Variants in ZNF860 observed in about 807,000 individuals in gnomAD.
ZNF860 encodes zinc finger protein 860.
For synonymous variants in ZNF860, 206 were observed against 248.9 expected (o/e 0.83, Z 1.62); for missense variants, 641 against 759.2 (o/e 0.84, Z 1.83).
intron 1 of ZNF860, among the ~76,000 whole-genome samples, chr3:31,982,623 T>G (rs1191389336): frequency 6.6e-6 from 1 of 150,850 alleles, no homozygotes; most frequent in Non-Finnish European, 1.5e-5. Flanking sequence ...CCTGAGTAAA[T>G]TACAATTCCA....
At chr3:31,995,970 G>C (rs1266588155), downstream of ZNF860, among the ~76,000 whole-genome samples, 1 of 152,124 alleles carries the variant, frequency 6.6e-6, no homozygotes, top group Non-Finnish European at 1.5e-5. Flanking sequence ...TGGAAATGGA[G>C]GATGAATCCA....
intron 1 of ZNF860, among the ~76,000 whole-genome samples, chr3:31,982,838 G>A (rs1310743636): frequency 4.6e-5 from 7 of 152,162 alleles, no homozygotes; most frequent in East Asian, 3.8e-4. Flanking sequence ...ATTTACTGCC[G>A]CTTCCTATGG....
In ZNF860 at chr3:31,989,091, G is replaced by C; in HGVS notation, c.12G>C (p.Glu4Asp). The C allele has an allele frequency of 6.2e-7, 1 of 1,614,052 alleles. No homozygotes were observed. Residue 4 changes from glutamate (E) to aspartate (D), a missense_variant, in exon 2 of 2, where the codon GAG (glutamate) becomes GAC (aspartate). Physicochemically the swap from Glu to Asp is conservative, Grantham distance 45 (BLOSUM62 2). Transcript: ENST00000360311. Reference sequence around the variant, plus strand: ...ATTTCTAAAGACTCATGTTACGTGAGGAAGCAGCTCAGAAGAGGAAAGAAA... The same window carrying C: ...ATTTCTAAAGACTCATGTTACGTGACGAAGCAGCTCAGAAGAGGAAAGAAA... MLREEAAQKRKEKE... is the reference protein window; with the variant it reads MLRDEAAQKRKEKE...
Position 31,988,797 on chromosome 3 carries a change from A to G in ZNF860, c.-283A>G. On this transcript the variant is annotated 5_prime_UTR_variant, in exon 2 of 2. The change abolishes an upstream ATG in the 5' untranslated region. Coordinates refer to ENST00000360311, the MANE Select transcript of ZNF860 (RefSeq NM_001137674.3). ...GATTTTCTGAGACCTGCTAACAGCC[A>G]TGTGAGTGACCTTGGAAGTAGGTTG... 2.1e-6 allele frequency: 1 copy of G among 481,474 alleles called. No homozygotes were observed. Among genetic ancestry groups the G allele is most frequent in the South Asian group, 2.7e-5 (1 of 37,250 alleles). The allele number at this position is 481,474 out of a possible 1,614,324, so 29.8% of individuals were successfully genotyped here.
chr3:31,997,899 CA>C, the ZNF860 span, among the ~76,000 whole-genome samples: 1 of 152,078 alleles, frequency 6.6e-6, no homozygotes, highest in Non-Finnish European at 1.5e-5. Context: ...GCAATCCTCC[CA>C]CCTTAGCCTC....
chr3:31,989,764 T>C lies in ZNF860; in HGVS notation c.685T>C (p.Ser229Pro), dbSNP rs1197889561. ...LKQEVHIREK[S>P]FQCNESGKAF... ...ACAGGAAGTACACATAAGAGAAAAA[T>C]CTTTCCAATGTAATGAGAGTGGCAA... The change falls in exon 2 of 2, where the codon TCT becomes CCT. Residue 229 changes from serine to proline, a missense_variant. By Grantham distance (74) the Ser-to-Pro change is moderately conservative. Coordinates refer to ENST00000360311, the MANE Select transcript of ZNF860 (RefSeq NM_001137674.3). The C allele has an allele frequency of 6.2e-7, 1 of 1,614,148 alleles. No homozygotes were observed. Among genetic ancestry groups the C allele is most frequent in the South Asian group, 1.1e-5 (1 of 91,080 alleles).
At chr3:32,002,126 G>A in the ZNF860 span, among the ~76,000 whole-genome samples, 1 of 152,234 alleles carries the variant, frequency 6.6e-6, no homozygotes, top group East Asian at 1.9e-4. Context: ...AGTCCATCTA[G>A]GGGAAAACAT....
chr3:32,005,639 G>A, the ZNF860 span, among the ~76,000 whole-genome samples: 5 of 152,200 alleles, frequency 3.3e-5, no homozygotes, highest in Admixed American at 3.3e-4. Context: ...CCAGGCTGGA[G>A]TGCAGTGTCG....
Position 31,989,955 on chromosome 3 carries a change from C to G in ZNF860, c.876C>G (p.Gly292=), listed in dbSNP as rs754583433. The part of the protein sequence containing the change: ...GEKPYKCNEC[G]KVFNQQSNLA... ...AACCTTACAAGTGTAATGAATGTGG[C>G]AAGGTTTTTAATCAACAATCAAACC... The change falls in exon 2 of 2, where the codon GGC becomes GGG. Residue 292 remains glycine (G), a synonymous_variant. Transcript: ENST00000360311. The G allele has an allele frequency of 1.9e-6, 3 of 1,613,998 alleles. No homozygotes were observed. The highest frequency in any genetic ancestry group is 2.7e-5 in the African/African-American group (2 of 74,920).
chr3:31,988,128 G>A (rs1157541631), intron 1 of ZNF860, among the ~76,000 whole-genome samples: 5 of 152,170 alleles, frequency 3.3e-5, no homozygotes, highest in Non-Finnish European at 2.9e-5. Context: ...TGCACCTCCT[G>A]TTTCCGCCTC....
the ZNF860 span, among the ~76,000 whole-genome samples, chr3:31,999,230 T>A: frequency 1.3e-5 from 2 of 152,224 alleles, no homozygotes; most frequent in South Asian, 4.1e-4. Context: ...CTTTCCTGTC[T>A]TGCCAGCTAC....
the ZNF860 span, among the ~76,000 whole-genome samples, chr3:32,002,242 C>T: frequency 4.6e-5 from 7 of 152,134 alleles, no homozygotes; most frequent in Admixed American, 4.6e-4. Flanking sequence ...TTGCTGTCCA[C>T]TCAACCAACC....
downstream of ZNF860, among the ~76,000 whole-genome samples, chr3:31,992,145 CAA>C (rs527764918): frequency 2.4e-4 from 16 of 65,522 alleles, no homozygotes; most frequent in South Asian, 4.9e-4. Context: ...GACTCCATCT[CAA>C]AAAAAAAAAA....
downstream of ZNF860, among the ~76,000 whole-genome samples, chr3:31,992,674 G>A (rs1010002499): frequency 6.6e-6 from 1 of 152,124 alleles, no homozygotes; most frequent in Non-Finnish European, 1.5e-5. Context: ...AACAAGTGAT[G>A]GAACTAGACA....
the ZNF860 span, among the ~76,000 whole-genome samples, chr3:31,997,304 C>T: frequency 2.0e-5 from 3 of 151,160 alleles, no homozygotes; most frequent in Non-Finnish European, 4.4e-5. Context: ...CTCACTCTGT[C>T]GCCAGGCTGG....
Position 31,990,437 on chromosome 3 carries a change from C to T in ZNF860, c.1358C>T (p.Pro453Leu), listed in dbSNP as rs1347643846. ...TGGCGAACTCATACTGGAGAGAAAC[C>T]TTACAAGTGTAATGAGTGTGGCAAG... is the stretch of plus-strand genomic sequence containing the variant. Reference protein sequence around the residue: ...VHWRTHTGEKPYKCNECGKTF... With the variant: ...VHWRTHTGEKLYKCNECGKTF... The change falls in exon 2 of 2, where the codon CCT (proline) becomes CTT (leucine). Residue 453 changes from proline (P) to leucine (L), a missense_variant. Coordinates refer to ENST00000360311, the MANE Select transcript of ZNF860 (RefSeq NM_001137674.3). 2 of 1,569,478 alleles carry T rather than the reference C, an allele frequency of 1.3e-6. No individual in the cohort carries two copies. Among genetic ancestry groups the T allele is most frequent in the Non-Finnish European group, 1.7e-6 (2 of 1,158,892 alleles).
In ZNF860 at chr3:31,989,993, A is replaced by C. The variant is rs1390975137; in HGVS notation, c.914A>C (p.His305Pro). The change falls in exon 2 of 2, where the codon CAT becomes CCT. Residue 305 changes from histidine to proline, a missense_variant. His to Pro is a moderately conservative substitution (Grantham distance 77, BLOSUM62 -2). Transcript: ENST00000360311. ...FNQQSNLASH[H>P]RLHTGEKPYK... is the part of the protein sequence containing the mutation. The stretch of plus-strand genomic sequence containing the variant: ...CAACAATCAAACCTTGCAAGTCATC[A>C]TAGACTTCATACTGGAGAGAAACCT... The C allele has an allele frequency of 6.2e-7, 1 of 1,614,188 alleles. No homozygotes were observed. Among genetic ancestry groups the C allele is most frequent in the South Asian group, 1.1e-5 (1 of 91,080 alleles).
rs1384238949 is a variant in ZNF860, at chr3:31,989,429, A to C, written c.350A>C (p.Gln117Pro). The change falls in exon 2 of 2, where the codon CAA becomes CCA. Residue 117 changes from glutamine (Q) to proline (P), a missense_variant. By Grantham distance (76) the Gln-to-Pro change is moderately conservative. Transcript: ENST00000360311. ...ATTCATGACTTTGAGTTTCAATGGC[A>C]AGAAGACAAAAGAAATAGCCATGAA... ...KDIHDFEFQW[Q>P]EDKRNSHEAT... 1 of 1,614,110 alleles carries C rather than the reference A, an allele frequency of 6.2e-7. No homozygotes were observed. Among genetic ancestry groups the C allele is most frequent in the African/African-American group, 1.3e-5 (1 of 74,940 alleles).
intron 1 of ZNF860, among the ~76,000 whole-genome samples, chr3:31,982,169 A>G (rs1698863663): frequency 2.0e-5 from 3 of 152,180 alleles, no homozygotes; most frequent in Admixed American, 6.5e-5. Context: ...CTCCAGAGGC[A>G]AGGGAAATTA....
Sources: gnomAD v4.1 joint callset for allele counts (sites outside exome capture counted in the v4.1 genomes callset) on GRCh38, gnomAD v4.1.1 for gene constraint, MANE v1.5 for transcripts, NCBI Gene and HGNC (gene_info 2026-07-23, HGNC 2026-07-21) for gene names.